Variants in ORC4 observed in about 807,000 individuals in gnomAD.
ORC4 encodes the protein origin recognition complex, subunit 4 homolog.
In ORC4, 55 loss-of-function variants were observed where a neutral mutation model predicts 63.9. The observed-to-expected ratio is 0.86, with a 90% CI of 0.69 to 1.08. The LOEUF is 1.08. ORC4 is among the 50% of genes least tolerant of loss of function. ORC4 has a pLI of 0.00. For missense variants in ORC4, 511 were observed against 504.4 expected (o/e 1.01, Z -0.13); for synonymous variants, 150 against 168.5 (o/e 0.89, Z 0.85).
At chr2:147,997,615 T>C (rs1184312429) in intron 1 of ORC4, among the ~76,000 whole-genome samples, 1 of 152,136 alleles carries the variant, frequency 6.6e-6, no homozygotes, top group East Asian at 1.9e-4. Flanking sequence ...CTTCTCAAAG[T>C]ACATGACAAA....
intron 1 of ORC4, among the ~76,000 whole-genome samples, chr2:148,019,415 C>G (rs1157232752): frequency 6.6e-6 from 1 of 152,146 alleles, no homozygotes; most frequent in African/African-American, 2.4e-5. Flanking sequence ...CATGGTGAAA[C>G]CCCGTCCCTA....
chr2:147,940,503 C>CA (rs1463601551), intron 10 of ORC4, among the ~76,000 whole-genome samples: 2 of 152,060 alleles, frequency 1.3e-5, no homozygotes. Context: ...CAGCAAAACT[C>CA]ACAATTGCAA....
chr2:147,990,719 A>C (rs1004962008), intron 1 of ORC4, among the ~76,000 whole-genome samples: 4 of 152,238 alleles, frequency 2.6e-5, no homozygotes, highest in Non-Finnish European at 5.9e-5. Flanking sequence ...TTGCCAGTGA[A>C]TATTAAAAGG....
intron 1 of ORC4, among the ~76,000 whole-genome samples, chr2:147,988,697 G>T (rs1558864689): frequency 6.6e-6 from 1 of 151,318 alleles, no homozygotes; most frequent in African/African-American, 2.4e-5. Context: ...AAATGTAAGT[G>T]AAATAATCTC....
At chr2:147,975,296 C>A (rs1690483389) in intron 2 of ORC4, among the ~76,000 whole-genome samples, 1 of 151,920 alleles carries the variant, frequency 6.6e-6, no homozygotes, top group Non-Finnish European at 1.5e-5. Context: ...ATTATAAAAA[C>A]ACTCAACAGA....
intron 1 of ORC4, among the ~76,000 whole-genome samples, chr2:148,019,298 A>G (rs1693517748): frequency 6.6e-6 from 1 of 152,186 alleles, no homozygotes; most frequent in Non-Finnish European, 1.5e-5. Flanking sequence ...ACACCTAAAG[A>G]ACCTACACCG....
At chr2:147,939,298 T>C in intron 10 of ORC4, 50 bp from the exon 11 acceptor site, 1 of 1,151,224 alleles carries the variant, frequency 8.7e-7, no homozygotes, top group South Asian at 1.2e-5. Flanking sequence ...ATGGGCATTT[T>C]GGAGATACTG....
intron 1 of ORC4, among the ~76,000 whole-genome samples, chr2:147,985,945 A>G (rs577402889): frequency 6.6e-6 from 1 of 152,338 alleles, no homozygotes; most frequent in Non-Finnish European, 1.5e-5. Context: ...AACATCAGAA[A>G]GTTCATCAAA....
chr2:147,973,231 A>G (rs2105350427), intron 3 of ORC4, among the ~76,000 whole-genome samples: 1 of 152,310 alleles, frequency 6.6e-6, no homozygotes, highest in African/African-American at 2.4e-5. Context: ...CAGAAACAAA[A>G]CAAAATTGAA....
rs192733850 is a variant in ORC4, at chr2:148,000,844, A to C, written c.-18+19789T>G. Among the ~76,000 whole-genome samples the C allele has an allele frequency of 1.3e-3, 195 of 152,268 alleles. 1 individual carries two copies. Among genetic ancestry groups the C allele is most frequent in the Non-Finnish European group, 7.9e-4 (54 of 67,994 alleles). On this transcript the variant is annotated intron_variant, in intron 1 of 13. Coordinates refer to ENST00000392857, the MANE Select transcript of ORC4 (RefSeq NM_181741.4). ...ACAAATGCTCAATGGTCGTATATGA[A>C]AAATTAAACTATCAATGGGAAGATG...
intron 1 of ORC4, among the ~76,000 whole-genome samples, chr2:148,002,863 C>T (rs764279703): frequency 5.9e-5 from 9 of 152,018 alleles, no homozygotes; most frequent in Non-Finnish European, 1.2e-4. Flanking sequence ...AGGTAGACCG[C>T]TAGCCAGACT....
At chr2:148,018,122 A>G (rs1693423679) in intron 1 of ORC4, among the ~76,000 whole-genome samples, 1 of 152,234 alleles carries the variant, frequency 6.6e-6, no homozygotes, top group African/African-American at 2.4e-5. Flanking sequence ...AAACCTCCCA[A>G]AAAGATTTAA....
chr2:148,002,044 C>A (rs1188020171), intron 1 of ORC4, among the ~76,000 whole-genome samples: 1 of 152,114 alleles, frequency 6.6e-6, no homozygotes, highest in Admixed American at 6.5e-5. Context: ...GTTATCAATG[C>A]AAAAAGAAGT....
At chr2:148,002,546 T>C (rs1692380094) in intron 1 of ORC4, among the ~76,000 whole-genome samples, 3 of 151,890 alleles carry the variant, frequency 2.0e-5, no homozygotes, top group Non-Finnish European at 2.9e-5. Context: ...CAGAAATAAA[T>C]ACATTCTTTA....
chr2:147,950,534 A>AG (rs1018037403), intron 8 of ORC4, among the ~76,000 whole-genome samples: 44 of 152,254 alleles, frequency 2.9e-4, no homozygotes, highest in Admixed American at 8.5e-4. Flanking sequence ...TGGGAGGCCA[A>AG]GGGGGGTAGA....
intron 1 of ORC4, among the ~76,000 whole-genome samples, chr2:147,984,426 A>T (rs1052367814): frequency 4.6e-5 from 7 of 152,132 alleles, no homozygotes; most frequent in Non-Finnish European, 1.0e-4. Context: ...AATATATATT[A>T]ATTGACTATG....
chr2:147,981,562 T>C (rs938088474), intron 1 of ORC4, among the ~76,000 whole-genome samples: 2 of 152,186 alleles, frequency 1.3e-5, no homozygotes, highest in African/African-American at 4.8e-5. Flanking sequence ...GAAAGCAGAT[T>C]TTAAATTTTC....
At chr2:147,950,764 CAA>C (rs70992182) in intron 8 of ORC4, among the ~76,000 whole-genome samples, 10 of 111,602 alleles carry the variant, frequency 9.0e-5, no homozygotes, top group Admixed American at 9.4e-5. Context: ...GACTCCATCT[CAA>C]AAAAAAAAAA....
rs536095017 is a variant in ORC4, at chr2:147,997,809, A to T, written c.-17-21834T>A. Reference sequence around the variant, plus strand: ...CTTTAAAAATTTTCTTGCACATTTAAATCAAATCTTGTACTTTACAATTTG... The same window carrying T: ...CTTTAAAAATTTTCTTGCACATTTATATCAAATCTTGTACTTTACAATTTG... On this transcript the variant is annotated intron_variant, in intron 1 of 13. Transcript: ENST00000392857. Among the ~76,000 whole-genome samples the T allele has an allele frequency of 5.3e-5, 8 of 152,330 alleles. No homozygotes were observed. In the South Asian group the frequency reaches 1.4e-3, roughly 28 times the overall value.
Sources: gnomAD v4.1 joint callset for allele counts (sites outside exome capture counted in the v4.1 genomes callset) on GRCh38, gnomAD v4.1.1 for gene constraint, MANE v1.5 for transcripts, NCBI Gene and HGNC (gene_info 2026-07-23, HGNC 2026-07-21) for gene names.